The following KCNMA1 variants were observed in gnomAD, a reference collection of about 807,000 sequenced individuals.
The protein encoded by KCNMA1 is Calcium-activated potassium channel subunit alpha-1.
A neutral mutation model predicts 140.0 loss-of-function variants in KCNMA1; 29 were observed. The ratio of observed to expected loss-of-function variants is 0.21; its 90% CI spans 0.15 to 0.28. KCNMA1 has a LOEUF of 0.28. KCNMA1 is among the 10% of genes least tolerant of loss of function. The pLI, the probability that KCNMA1 is intolerant of heterozygous loss-of-function variation, is 1.00. For missense variants in KCNMA1, 880 were observed against 1,602.2 expected (o/e 0.55, Z 7.70); for synonymous variants, 612 against 611.9 (o/e 1.00, Z 0.00).
At chr10:77,595,886 G>A (rs566074710) in intron 1 of KCNMA1, among the ~76,000 whole-genome samples, 6 of 152,202 alleles carry the variant, frequency 3.9e-5, no homozygotes, top group Middle Eastern at 3.4e-3. Flanking sequence ...TCCTGACCTC[G>A]TGATCCATCC....
intron 13 of KCNMA1, among the ~76,000 whole-genome samples, chr10:77,076,336 A>G (rs78451378): frequency 2.8e-4 from 43 of 152,244 alleles, no homozygotes; most frequent in African/African-American, 9.4e-4. Context: ...TTATAAACCA[A>G]TCTTTCCTTG....
intron 1 of KCNMA1, among the ~76,000 whole-genome samples, chr10:77,515,053 C>T (rs894192279): frequency 6.6e-6 from 1 of 152,124 alleles, no homozygotes; most frequent in South Asian, 2.1e-4. Context: ...ATGAGAATGC[C>T]CCAGAAGAGC....
At chr10:77,205,271 T>C (rs34187534) in intron 3 of KCNMA1, among the ~76,000 whole-genome samples, 38,141 of 152,108 alleles carry the variant, frequency 0.25, 5,122 homozygotes, top group Middle Eastern at 0.29. Context: ...AAGCTGGACC[T>C]AAACTTGACA....
intron 14 of KCNMA1, among the ~76,000 whole-genome samples, chr10:77,060,469 T>C (rs1206671419): frequency 1.3e-5 from 2 of 152,152 alleles, no homozygotes; most frequent in Non-Finnish European, 2.9e-5. Context: ...TGCCATTGCA[T>C]TTGGGGTGCA....
chr10:76,976,510 GC>G (rs976438222), intron 19 of KCNMA1, among the ~76,000 whole-genome samples: 32 of 152,226 alleles, frequency 2.1e-4, no homozygotes, highest in Middle Eastern at 6.9e-3. Context: ...AATACTGCGG[GC>G]CTAATGGATC....
intron 5 of KCNMA1, among the ~76,000 whole-genome samples, chr10:77,180,990 G>A (rs1463989805): frequency 6.6e-6 from 1 of 152,104 alleles, no homozygotes; most frequent in East Asian, 1.9e-4. Context: ...GCCCTAAAAT[G>A]CTTCAGGGAA....
intron 5 of KCNMA1, among the ~76,000 whole-genome samples, chr10:77,165,416 C>T (rs931514133): frequency 5.9e-5 from 9 of 152,204 alleles, no homozygotes; most frequent in African/African-American, 2.2e-4. Context: ...AGAATCCATA[C>T]ATTTGTTCAT....
rs535399054 is a variant in KCNMA1, at chr10:77,088,507, G to A, written c.1334+1893C>T. On this transcript the variant is annotated intron_variant, in intron 10 of 27. Coordinates refer to ENST00000286628, the MANE Select transcript of KCNMA1 (RefSeq NM_001161352.2). ...TGCAGTGGTGCCATCTTGACTCACT[G>A]CAACCTCTGCCTCTCAGGATCAAGT... is the stretch of plus-strand genomic sequence containing the variant. Among the ~76,000 whole-genome samples the A allele has an allele frequency of 5.3e-5, 8 of 152,180 alleles. No homozygotes were observed. The South Asian group carries it at 1.7e-3, about 32-fold the overall frequency.
chr10:77,001,314 C>T (rs1348296745), intron 19 of KCNMA1, 93 bp downstream of exon 19: 9 of 1,191,250 alleles, frequency 7.6e-6, no homozygotes, highest in Admixed American at 2.0e-5. Flanking sequence ...GACATCAGCC[C>T]GACTGACTCA....
intron 2 of KCNMA1, among the ~76,000 whole-genome samples, chr10:77,395,105 G>T (rs2095995804): frequency 6.6e-6 from 1 of 152,074 alleles, no homozygotes; most frequent in Non-Finnish European, 1.5e-5. Flanking sequence ...CCAGCACTTT[G>T]GGAGGTCAAG....
chr10:77,288,204 C>A (rs1236971825), intron 2 of KCNMA1, among the ~76,000 whole-genome samples: 1 of 152,196 alleles, frequency 6.6e-6, no homozygotes, highest in Non-Finnish European at 1.5e-5. Context: ...CTTGCCTTGA[C>A]AATAAAATCA....
At chr10:77,068,587 G>A (rs542615265) in intron 14 of KCNMA1, among the ~76,000 whole-genome samples, 5 of 151,494 alleles carry the variant, frequency 3.3e-5, no homozygotes, top group Admixed American at 6.6e-5. Context: ...CAAATCTTGC[G>A]GCATAGGGAA....
intron 1 of KCNMA1, among the ~76,000 whole-genome samples, chr10:77,418,254 C>G (rs1306346038): frequency 1.1e-4 from 16 of 152,210 alleles, no homozygotes; most frequent in Admixed American, 1.0e-3. Context: ...AAGCGCCTGG[C>G]CCTGCAAAGC....
intron 6 of KCNMA1, 101 bp downstream of exon 6, chr10:77,120,872 T>C: frequency 1.4e-6 from 1 of 732,708 alleles, no homozygotes; most frequent in Non-Finnish European, 2.4e-6. Context: ...GTGAATAATA[T>C]AACTATTAAT....
intron 2 of KCNMA1, among the ~76,000 whole-genome samples, chr10:77,271,525 C>T (rs2154281542): frequency 6.6e-6 from 1 of 152,292 alleles, no homozygotes. Flanking sequence ...CTGCCTCTGA[C>T]AGAGGAGCCG....
At chr10:76,890,498 C>T (rs2039504170) in intron 26 of KCNMA1, among the ~76,000 whole-genome samples, 3 of 152,186 alleles carry the variant, frequency 2.0e-5, no homozygotes, top group Non-Finnish European at 4.4e-5. Flanking sequence ...TAAAGAGCCA[C>T]TAGCTATGAA....
At chr10:77,056,416 A>T (rs1298379008) in intron 14 of KCNMA1, among the ~76,000 whole-genome samples, 1 of 151,904 alleles carries the variant, frequency 6.6e-6, no homozygotes, top group African/African-American at 2.4e-5. Flanking sequence ...ATAATAAAGT[A>T]AAATAAAATA....
At chr10:77,580,066 C>T (rs967607744) in intron 1 of KCNMA1, among the ~76,000 whole-genome samples, 1 of 152,136 alleles carries the variant, frequency 6.6e-6, no homozygotes, top group African/African-American at 2.4e-5. Context: ...TCAATGTCTA[C>T]AATAAGATTA....
intron 17 of KCNMA1, among the ~76,000 whole-genome samples, chr10:77,013,546 T>C (rs2091346626): frequency 6.6e-6 from 1 of 152,204 alleles, no homozygotes; most frequent in African/African-American, 2.4e-5. Context: ...AGCATCCAAG[T>C]TGGGGAAAGT....
Sources: allele counts gnomAD v4.1 joint callset (sites outside exome capture counted in the v4.1 genomes callset), GRCh38; gene constraint gnomAD v4.1.1; transcripts MANE v1.5; gene names NCBI Gene and HGNC (gene_info 2026-07-23, HGNC 2026-07-21).